Variants in TMA16 observed in about 807,000 individuals in gnomAD.
The protein encoded by TMA16 is translation machinery associated 16 homolog.
In TMA16, 26 loss-of-function variants were observed where a neutral mutation model predicts 27.1. That is an observed-to-expected ratio of 0.96 (90% CI 0.70 to 1.33). The LOEUF (loss-of-function observed/expected upper bound fraction) is 1.33, where lower values mean the gene tolerates loss of function less well. Among genes scored for constraint, TMA16 ranks in the 40% most tolerant of loss-of-function variants. The pLI is 0.00. For missense variants in TMA16, 233 were observed against 241.4 expected, an observed-to-expected ratio of 0.97 and a Z score of 0.23; for synonymous variants, 71 against 81.9, an observed-to-expected ratio of 0.87 and a Z score of 0.72.
chr4:163,511,993 A>C (rs904209398), intron 2 of TMA16, among the ~76,000 whole-genome samples: 1 of 149,838 alleles, frequency 6.7e-6, no homozygotes. Flanking sequence ...TTTTTCTTTT[A>C]CCATTCCCGT....
At chr4:163,511,034 G>A (rs1381406392) in intron 2 of TMA16, among the ~76,000 whole-genome samples, 2 of 152,246 alleles carry the variant, frequency 1.3e-5, no homozygotes, top group South Asian at 4.1e-4. Context: ...TTTATAAGAC[G>A]TTAGGTTAAC....
chr4:163,499,568 G>C (rs561535908), intron 1 of TMA16, among the ~76,000 whole-genome samples: 2 of 152,006 alleles, frequency 1.3e-5, no homozygotes, highest in Non-Finnish European at 2.9e-5. Context: ...GGACACACTC[G>C]AATACCTAAA....
chr4:163,500,727 A>T (rs112315950), intron 1 of TMA16, among the ~76,000 whole-genome samples: 16 of 152,338 alleles, frequency 1.1e-4, no homozygotes, highest in African/African-American at 3.6e-4. Flanking sequence ...GGCCAGGCCA[A>T]CAAGAAAATC....
chr4:163,519,589 C>A lies in TMA16; in HGVS notation c.*75C>A. 7.2e-7 allele frequency: 1 copy of A among 1,393,630 alleles called. No individual in the cohort carries two copies. The highest frequency in any genetic ancestry group is 3.4e-5 in the Admixed American group (1 of 29,666). 86.3% of individuals were successfully genotyped at this position (1,393,630 alleles called of 1,614,324 possible). ...TTCATTGATTATGGTACCTAATTGT[C>A]ATGATACAAAAATTTGATACTGACA... On this transcript the variant is annotated 3_prime_UTR_variant, in exon 7 of 7. Coordinates refer to ENST00000358572, the MANE Select transcript of TMA16 (RefSeq NM_018352.3).
chr4:163,516,316 T>G, intron 5 of TMA16, among the ~76,000 whole-genome samples: 1 of 152,232 alleles, frequency 6.6e-6, no homozygotes, highest in East Asian at 1.9e-4. Context: ...CCAAATTCTG[T>G]TTTGATAAGA....
chr4:163,509,480 C>A (rs774758525), intron 2 of TMA16, among the ~76,000 whole-genome samples: 1 of 152,180 alleles, frequency 6.6e-6, no homozygotes, highest in African/African-American at 2.4e-5. Context: ...AGGTAGGAAT[C>A]CCGTTGCCAC....
chr4:163,510,016 G>T (rs1737770427), intron 2 of TMA16, among the ~76,000 whole-genome samples: 1 of 152,008 alleles, frequency 6.6e-6, no homozygotes, highest in Admixed American at 6.6e-5. Flanking sequence ...ATATTTACAT[G>T]CAAGTACTGT....
Position 163,519,417 on chromosome 4 carries a change from A to G in TMA16, c.515A>G (p.Lys172Arg), listed in dbSNP as rs761654511. 1.9e-6 allele frequency: 3 copies of G among 1,607,914 alleles called. No individual in the cohort carries two copies. In the East Asian group the frequency reaches 6.7e-5, roughly 36 times the overall value. The change falls in exon 7 of 7, where the codon AAG (lysine) becomes AGG (arginine). Residue 172 changes from lysine (K) to arginine (R), a missense_variant. Coordinates refer to ENST00000358572, the MANE Select transcript of TMA16 (RefSeq NM_018352.3). ...CANDAIPKTCKRKTIITVDQD... is the reference protein window; with the variant it reads ...CANDAIPKTCRRKTIITVDQD... ...AATGATGCAATTCCCAAGACGTGCA[A>G]GAGGAAAACTATTATAACTGTAGAC... is the stretch of plus-strand genomic sequence containing the variant.
chr4:163,507,251 A>G, intron 2 of TMA16, 106 bp downstream of exon 2: 1 of 1,024,188 alleles, frequency 9.8e-7, no homozygotes, highest in South Asian at 1.7e-5. Context: ...TTTCATAAAT[A>G]TTTATTAAGT....
chr4:163,511,216 T>C (rs1378566248), intron 2 of TMA16, among the ~76,000 whole-genome samples: 1 of 152,146 alleles, frequency 6.6e-6, no homozygotes, highest in African/African-American at 2.4e-5. Context: ...CTCTTTGACA[T>C]GTTATGTTGT....
At chr4:163,504,318 A>G (rs766872354) in intron 1 of TMA16, among the ~76,000 whole-genome samples, 4 of 152,158 alleles carry the variant, frequency 2.6e-5, no homozygotes, top group Non-Finnish European at 5.9e-5. Flanking sequence ...ATTCCTGTGT[A>G]ACAAGATATC....
chr4:163,513,648 A>AT lies in TMA16; in HGVS notation c.155-424dup, dbSNP rs1477286219. 3.9e-5 allele frequency among the ~76,000 whole-genome samples: 6 copies of AT among 152,298 alleles called. No homozygotes were observed. In the East Asian group the frequency reaches 7.7e-4, roughly 20 times the overall value. ...ACAAATGGGGGTAATAATAGTACTA[A>AT]TTCTCATGGGATTATAAAGCTATTT... On this transcript the variant is annotated intron_variant, in intron 3 of 6. Coordinates refer to ENST00000358572, the MANE Select transcript of TMA16 (RefSeq NM_018352.3).
In TMA16 at chr4:163,519,839, G is replaced by A. The variant is rs1270514062; in HGVS notation, c.*325G>A. 9 of 507,946 alleles carry A rather than the reference G, an allele frequency of 1.8e-5. No individual in the cohort carries two copies. Among genetic ancestry groups the A allele is most frequent in the South Asian group, 2.2e-5 (1 of 46,426 alleles). 31.5% of individuals were successfully genotyped at this position (507,946 alleles called of 1,614,324 possible). On this transcript the variant is annotated 3_prime_UTR_variant, in exon 7 of 7. Coordinates refer to ENST00000358572, the MANE Select transcript of TMA16 (RefSeq NM_018352.3). ...TGTATTTATGATCACCTAATTTCAC[G>A]TTTTGTGAAATGGACAGTAACCTGT...
chr4:163,518,247 T>C (rs932960653), intron 6 of TMA16, among the ~76,000 whole-genome samples: 1 of 152,188 alleles, frequency 6.6e-6, no homozygotes, highest in Non-Finnish European at 1.5e-5. Context: ...GGTTTTGTGT[T>C]TCTGTGTTAG....
chr4:163,496,396 AAC>A (rs1365178091), intron 1 of TMA16, among the ~76,000 whole-genome samples: 1 of 152,206 alleles, frequency 6.6e-6, no homozygotes, highest in Non-Finnish European at 1.5e-5. Context: ...TATAAATAGT[AAC>A]AGTGTACAGC....
At chr4:163,506,884 G>A in intron 1 of TMA16, 149 bp from the exon 2 acceptor site, 1 of 606,876 alleles carries the variant, frequency 1.6e-6, no homozygotes, top group Non-Finnish European at 2.9e-6. Flanking sequence ...AATGATCCTG[G>A]CTTATCTCCT....
chr4:163,506,678 A>G (rs1737722285), intron 1 of TMA16, among the ~76,000 whole-genome samples: 1 of 152,004 alleles, frequency 6.6e-6, no homozygotes, highest in Non-Finnish European at 1.5e-5. Context: ...TGACCCCTTA[A>G]TTTTCTTAAC....
At chr4:163,516,418 TG>T (rs1467089962) in intron 5 of TMA16, among the ~76,000 whole-genome samples, 1 of 152,270 alleles carries the variant, frequency 6.6e-6, no homozygotes. Flanking sequence ...AAATTGTTTT[TG>T]TGCTTATTTA....
chr4:163,507,816 G>T (rs73866773), intron 2 of TMA16, among the ~76,000 whole-genome samples: 2,075 of 152,074 alleles, frequency 0.014, 30 homozygotes, highest in Middle Eastern at 0.071. Context: ...AAAATGAAGT[G>T]AAGTTCAAAT....
Sources: allele counts gnomAD v4.1 joint callset (sites outside exome capture counted in the v4.1 genomes callset), GRCh38; gene constraint gnomAD v4.1.1; transcripts MANE v1.5; gene names NCBI Gene and HGNC (gene_info 2026-07-23, HGNC 2026-07-21).